ATXN1: variants seen among roughly 807,000 people sequenced by gnomAD.
ATXN1 encodes ataxin-1.
In ATXN1, 8 loss-of-function variants were observed where a neutral mutation model predicts 56.4. That is an observed-to-expected ratio of 0.14 (90% CI 0.08 to 0.26). The LOEUF is 0.26. Among genes scored for constraint, ATXN1 ranks in the 10% least tolerant of loss-of-function variants. The probability of loss-of-function intolerance (pLI) is 1.00; values close to 1 mark genes in which losing one functional copy is unlikely to be tolerated. For missense variants in ATXN1, 987 were observed against 1,106.5 expected, an observed-to-expected ratio of 0.89 and a Z score of 1.53; for synonymous variants, 514 against 494.6, an observed-to-expected ratio of 1.04 and a Z score of -0.52.
chr6:16,327,433 T>A lies in ATXN1; in HGVS notation c.878A>T (p.Tyr293Phe). The A allele has an allele frequency of 6.2e-7, 1 of 1,613,696 alleles. No individual in the cohort carries two copies. The highest frequency in any genetic ancestry group is 8.5e-7 in the Non-Finnish European group (1 of 1,179,964). Residue 293 changes from tyrosine to phenylalanine, a missense_variant, in exon 7 of 8, where the codon TAC (tyrosine) becomes TTC (phenylalanine). Physicochemically the swap from Tyr to Phe is conservative, Grantham distance 22 (BLOSUM62 3). Around this residue, in one of 3 missense-constraint regions of ATXN1, gnomAD observed 723 missense variants for 791.7 expected, o/e 0.91. Coordinates refer to ENST00000436367, the MANE Select transcript of ATXN1 (RefSeq NM_001128164.2). ...LGPPSQVVMQ[Y>F]ADSGSHFVPR... The stretch of plus-strand genomic sequence containing the variant: ...GACAAAGTGGCTGCCGGAGTCGGCG[T>A]ATTGCATGACGACCTGGGAGGGGGG...
chr6:16,730,487 G>GTGTATATGTATATA (rs141836403), intron 2 of ATXN1, among the ~76,000 whole-genome samples: 1 of 132,058 alleles, frequency 7.6e-6, no homozygotes, highest in Non-Finnish European at 1.7e-5. Flanking sequence ...AAAACAGTAT[G>GTGTATATGTATATA]TATATATATA....
rs575064239 is a variant in ATXN1, at chr6:16,609,857, G to A, written c.-488-23950C>T. On this transcript the variant is annotated intron_variant, in intron 3 of 7. Coordinates refer to ENST00000436367, the MANE Select transcript of ATXN1 (RefSeq NM_001128164.2). ...GATTTGCACCTTTGAAGAAGGAGGA[G>A]GAAAAAGAAGGGGAGGAGACCCAGA... Among the ~76,000 whole-genome samples, 105 of 152,152 alleles carry A rather than the reference G, an allele frequency of 6.9e-4. 1 individual carries two copies. Among genetic ancestry groups the A allele is most frequent in the South Asian group, 1.4e-3 (7 of 4,828 alleles).
intron 2 of ATXN1, among the ~76,000 whole-genome samples, chr6:16,672,356 C>G (rs1248471746): frequency 6.6e-6 from 1 of 152,132 alleles, no homozygotes; most frequent in Non-Finnish European, 1.5e-5. Context: ...TTTAAAAACC[C>G]ATTTTTATAA....
At chr6:16,632,474 T>C (rs1365384812) in intron 3 of ATXN1, among the ~76,000 whole-genome samples, 2 of 152,128 alleles carry the variant, frequency 1.3e-5, no homozygotes. Flanking sequence ...TTGATTTGAA[T>C]TCACACAGGC....
In ATXN1 at chr6:16,326,624, G is replaced by A; in HGVS notation, c.1687C>T (p.Pro563Ser). ...GGCAGCGTAGGGGGAGCCGCCGCCG[G>A]GGAGGCCACGGACTGCACCACAGGC... ...HLPVVQSVAS[P>S]AAAPPTLPPY... Residue 563 changes from proline (P) to serine (S), a missense_variant, in exon 7 of 8, where the codon CCG becomes TCG. Physicochemically the swap from Pro to Ser is moderately conservative, Grantham distance 74. Transcript: ENST00000436367. This position sits in a 1 kb window ranked among gnomAD's most constrained non-coding sequence, Gnocchi z 6.6. 1 of 1,613,954 alleles carries A rather than the reference G, an allele frequency of 6.2e-7. No individual in the cohort carries two copies. The highest frequency in any genetic ancestry group is 1.6e-4 in the Middle Eastern group (1 of 6,062).
chr6:16,313,581 G>C (rs1199822732), intron 7 of ATXN1, among the ~76,000 whole-genome samples: 1 of 148,192 alleles, frequency 6.7e-6, no homozygotes, highest in Non-Finnish European at 1.5e-5. Context: ...TTTTGAGACA[G>C]AGTCTCGCTC....
chr6:16,560,842 T>C (rs1316312610), intron 4 of ATXN1, among the ~76,000 whole-genome samples: 2 of 152,212 alleles, frequency 1.3e-5, no homozygotes, highest in African/African-American at 4.8e-5. Flanking sequence ...ACTGTCCACC[T>C]GATGGACCGG....
chr6:16,542,182 G>C (rs993880951), intron 4 of ATXN1, among the ~76,000 whole-genome samples: 3 of 152,142 alleles, frequency 2.0e-5, no homozygotes, highest in African/African-American at 7.2e-5. Context: ...TGAGTGCCTA[G>C]TGGGTGAACA....
chr6:16,650,645 T>C (rs770899425), intron 3 of ATXN1, among the ~76,000 whole-genome samples: 1 of 152,232 alleles, frequency 6.6e-6, no homozygotes, highest in Non-Finnish European at 1.5e-5. Context: ...TTTCTCCGCA[T>C]GCAGTGAACC....
rs1331068977 is a variant in ATXN1 at position 16,327,240 on chromosome 6, C to T, written c.1071G>A (p.Glu357=). The change falls in exon 7 of 8, where the codon GAG becomes GAA. Residue 357 remains glutamate, a synonymous_variant. Coordinates refer to ENST00000436367, the MANE Select transcript of ATXN1 (RefSeq NM_001128164.2). ...TCGGGTGGACCACCACGTGCCTGGA[C>T]TCGTACGGGTGAGGAACCGACTTGC... ...AGGKSVPHPY[E]SRHVVVHPSP... is the part of the protein sequence containing the mutation. 5.0e-6 allele frequency: 8 copies of T among 1,613,408 alleles called. No homozygotes were observed. The highest frequency in any genetic ancestry group is 4.0e-5 in the African/African-American group (3 of 74,906).
intron 6 of ATXN1, among the ~76,000 whole-genome samples, chr6:16,452,977 T>C (rs776511293): frequency 6.6e-6 from 1 of 152,232 alleles, no homozygotes; most frequent in Non-Finnish European, 1.5e-5. Context: ...ATTATTAAAC[T>C]TACTTTATCA....
At chr6:16,431,435 A>T (rs1332769380) in intron 6 of ATXN1, among the ~76,000 whole-genome samples, 1 of 152,178 alleles carries the variant, frequency 6.6e-6, no homozygotes, top group East Asian at 1.9e-4. Flanking sequence ...AATTCACTTC[A>T]GAAGTGCTTT....
chr6:16,689,235 C>G (rs1758986989), intron 2 of ATXN1, among the ~76,000 whole-genome samples: 1 of 152,086 alleles, frequency 6.6e-6, no homozygotes, highest in Non-Finnish European at 1.5e-5. Context: ...AGTCTGGGGT[C>G]TGGGACTGTT....
chr6:16,720,548 A>G lies in ATXN1; in HGVS notation c.-615+32685T>C, dbSNP rs865799701. 7.2e-5 allele frequency among the ~76,000 whole-genome samples: 11 copies of G among 152,366 alleles called. No homozygotes were observed. In the Middle Eastern group the frequency reaches 0.01, roughly 141 times the overall value. On this transcript the variant is annotated intron_variant, in intron 2 of 7. Coordinates refer to ENST00000436367, the MANE Select transcript of ATXN1 (RefSeq NM_001128164.2). ...ATAAAAGCCTGACTTGATTAGCACC[A>G]TCAAGACATATGAGCTTAAGACATT...
intron 3 of ATXN1, among the ~76,000 whole-genome samples, chr6:16,648,630 T>A (rs1209378244): frequency 3.3e-5 from 5 of 152,170 alleles, no homozygotes; most frequent in African/African-American, 1.2e-4. Context: ...AATGCAAAGA[T>A]CAGGACAGAC....
intron 3 of ATXN1, among the ~76,000 whole-genome samples, chr6:16,644,241 G>C (rs562147875): frequency 3.3e-5 from 5 of 152,196 alleles, no homozygotes; most frequent in Non-Finnish European, 7.3e-5. Flanking sequence ...TGGTTAAACT[G>C]GGCCAGGTGT....
chr6:16,664,323 AT>A (rs1758382485), intron 2 of ATXN1, among the ~76,000 whole-genome samples: 1 of 152,222 alleles, frequency 6.6e-6, no homozygotes, highest in Non-Finnish European at 1.5e-5. Context: ...TCGCAAGTGA[AT>A]TTTATAGGCC....
intron 6 of ATXN1, among the ~76,000 whole-genome samples, chr6:16,477,908 GC>G (rs1211899898): frequency 2.6e-5 from 4 of 152,138 alleles, no homozygotes; most frequent in Non-Finnish European, 5.9e-5. Flanking sequence ...CTGGAGGCCT[GC>G]CCAGATGAGG....
At chr6:16,443,369 G>A (rs1160237368) in intron 6 of ATXN1, among the ~76,000 whole-genome samples, 4 of 151,992 alleles carry the variant, frequency 2.6e-5, no homozygotes, top group African/African-American at 9.7e-5. Flanking sequence ...TTTGTTTCAG[G>A]AAAATTTAAA....
Sources: allele counts gnomAD v4.1 joint callset (sites outside exome capture counted in the v4.1 genomes callset), GRCh38; gene constraint gnomAD v4.1.1; regional missense constraint gnomAD v4.1.1; non-coding constraint Gnocchi (gnomAD v3.1); transcripts MANE v1.5; gene names NCBI Gene and HGNC (gene_info 2026-07-23, HGNC 2026-07-21).